CTNNA3: variants seen among roughly 807,000 people sequenced by gnomAD.
CTNNA3 encodes the protein catenin alpha-3.
A neutral mutation model predicts 95.7 loss-of-function variants in CTNNA3; 76 were observed. The observed-to-expected ratio is 0.79, with a 90% CI of 0.66 to 0.96. The LOEUF (loss-of-function observed/expected upper bound fraction) is 0.96, where lower values mean the gene tolerates loss of function less well. Ranked by LOEUF, CTNNA3 falls within the 40% of genes least tolerant of loss-of-function variation. CTNNA3 has a pLI of 0.00. For synonymous variants in CTNNA3, 431 were observed against 374.4 expected, an observed-to-expected ratio of 1.15 and a Z score of -1.74; for missense variants, 1,191 against 1,089.8, an observed-to-expected ratio of 1.09 and a Z score of -1.31.
chr10:67,169,426 A>G (rs935296086), intron 7 of CTNNA3, among the ~76,000 whole-genome samples: 1 of 152,186 alleles, frequency 6.6e-6, no homozygotes, highest in Non-Finnish European at 1.5e-5. Flanking sequence ...TGGTACAAAA[A>G]AAGACACGTA....
chr10:67,211,607 G>T (rs903480651), intron 6 of CTNNA3, among the ~76,000 whole-genome samples: 2 of 152,012 alleles, frequency 1.3e-5, no homozygotes, highest in Admixed American at 6.6e-5. Context: ...CTTGCTAGGC[G>T]GTGACAATAT....
chr10:66,110,576 T>C (rs1324897001), intron 13 of CTNNA3, among the ~76,000 whole-genome samples: 4 of 152,128 alleles, frequency 2.6e-5, no homozygotes, highest in African/African-American at 7.2e-5. Flanking sequence ...AATTCTATCA[T>C]TTGTTTGTCA....
At chr10:66,527,932 GT>G (rs916605383) in intron 10 of CTNNA3, among the ~76,000 whole-genome samples, 4 of 151,972 alleles carry the variant, frequency 2.6e-5, no homozygotes, top group Admixed American at 1.3e-4. Context: ...AAATATATAA[GT>G]TTTTTTATTC....
Position 67,046,219 on chromosome 10 carries a change from G to A in CTNNA3, c.1047+134098C>T, listed in dbSNP as rs576488990. 1.1e-4 allele frequency among the ~76,000 whole-genome samples: 16 copies of A among 152,254 alleles called. No individual in the cohort carries two copies. In the South Asian group the frequency reaches 1.5e-3, roughly 14 times the overall value. On this transcript the variant is annotated intron_variant, in intron 7 of 17. Coordinates refer to ENST00000433211, the MANE Select transcript of CTNNA3 (RefSeq NM_013266.4). ...AATGGGGTTTCAATTTAAAGACCCC[G>A]TGTCATCTTATTAGCCTATCATCTG...
intron 7 of CTNNA3, among the ~76,000 whole-genome samples, chr10:67,008,684 A>T (rs1852149391): frequency 2.6e-5 from 4 of 152,166 alleles, no homozygotes; most frequent in African/African-American, 7.2e-5. Context: ...TAGAAGCCCC[A>T]GCTAGGATAG....
chr10:66,927,708 G>T lies in CTNNA3; in HGVS notation c.1048-152184C>A. On this transcript the variant is annotated intron_variant, in intron 7 of 17. Transcript: ENST00000433211. The surrounding 1 kb of genome is among the most constrained non-coding windows in gnomAD (Gnocchi z 4.7). ...AAAGGCTTGATTTATCAGGCAATGA[G>T]ATCGAAGCTTTCAGTGGACCCAGTG... 1 of 1,614,214 alleles carries T rather than the reference G, an allele frequency of 6.2e-7. No individual in the cohort carries two copies. Among genetic ancestry groups the T allele is most frequent in the Non-Finnish European group, 8.5e-7 (1 of 1,180,050 alleles).
intron 11 of CTNNA3, among the ~76,000 whole-genome samples, chr10:66,515,615 G>A (rs1840821997): frequency 6.6e-6 from 1 of 152,048 alleles, no homozygotes; most frequent in Admixed American, 6.6e-5. Context: ...AAAGAAAAGA[G>A]GTTTAATTGA....
chr10:66,894,834 C>T (rs556836161), intron 7 of CTNNA3, among the ~76,000 whole-genome samples: 1 of 151,678 alleles, frequency 6.6e-6, no homozygotes, highest in East Asian at 1.9e-4. Context: ...TTAGCTGTGG[C>T]ACCAAATCAA....
intron 7 of CTNNA3, among the ~76,000 whole-genome samples, chr10:67,041,976 T>C (rs1008543050): frequency 4.6e-5 from 7 of 152,156 alleles, no homozygotes; most frequent in Non-Finnish European, 1.0e-4. Flanking sequence ...TGGGCATATA[T>C]AGTAGTTTGA....
At chr10:67,194,311 C>T (rs1488138374) in intron 6 of CTNNA3, among the ~76,000 whole-genome samples, 1 of 151,976 alleles carries the variant, frequency 6.6e-6, no homozygotes, top group Non-Finnish European at 1.5e-5. Context: ...TTGGACGCAA[C>T]CAAGAGGTCC....
At chr10:66,689,546 A>G (rs1035439406) in intron 9 of CTNNA3, among the ~76,000 whole-genome samples, 126 of 152,306 alleles carry the variant, frequency 8.3e-4, no homozygotes, top group African/African-American at 2.9e-3. Flanking sequence ...AAATTTAAAG[A>G]GGTGATATTA....
At chr10:66,905,167 T>A (rs1489158180) in intron 7 of CTNNA3, among the ~76,000 whole-genome samples, 7 of 152,194 alleles carry the variant, frequency 4.6e-5, no homozygotes, top group Non-Finnish European at 1.0e-4. Context: ...GTGGCACATA[T>A]ACACCATGGA....
chr10:66,922,199 T>C (rs577501212), intron 7 of CTNNA3, among the ~76,000 whole-genome samples: 3 of 152,352 alleles, frequency 2.0e-5, no homozygotes, highest in African/African-American at 7.2e-5. Flanking sequence ...TTGGGGATAT[T>C]TAACTCGTCA....
chr10:67,734,058 AG>A (rs1342021464), intron 1 of CTNNA3, among the ~76,000 whole-genome samples: 1 of 152,180 alleles, frequency 6.6e-6, no homozygotes, highest in African/African-American at 2.4e-5. Flanking sequence ...AAATTTTTAT[AG>A]GTAGAGTTTA....
At position 67,322,813 on chromosome 10, in the gene CTNNA3, T is replaced by C. The variant is rs138853347; in HGVS notation, c.580-102943A>G. ...GAAATCACCACACCATCTTCCACAATGGTCAAACTAATTTATCCCACAAAC... is the reference window on the plus strand; with the variant it reads ...GAAATCACCACACCATCTTCCACAACGGTCAAACTAATTTATCCCACAAAC... On this transcript the variant is annotated intron_variant, in intron 5 of 17. Coordinates refer to ENST00000433211, the MANE Select transcript of CTNNA3 (RefSeq NM_013266.4). Among the ~76,000 whole-genome samples the C allele has an allele frequency of 5.3e-3, 800 of 152,322 alleles. 9 individuals are homozygous for C. Among genetic ancestry groups the C allele is most frequent in the African/African-American group, 0.018 (764 of 41,580 alleles).
At chr10:66,594,470 A>G (rs1843647649) in intron 10 of CTNNA3, among the ~76,000 whole-genome samples, 1 of 152,126 alleles carries the variant, frequency 6.6e-6, no homozygotes, top group Admixed American at 6.5e-5. Flanking sequence ...GCATAGCCCT[A>G]CATGACCTGG....
rs181657669 is a variant in CTNNA3, at chr10:67,088,733, A to G, written c.1047+91584T>C. 5.3e-5 allele frequency among the ~76,000 whole-genome samples: 8 copies of G among 152,198 alleles called. No individual in the cohort carries two copies. In the East Asian group the frequency reaches 1.4e-3, roughly 26 times the overall value. Reference sequence around the variant, plus strand: ...AAGTTTTTGCACAAATACCACTAAAAGAATTATTATTATGTTCCTGCAAAA... The same window carrying G: ...AAGTTTTTGCACAAATACCACTAAAGGAATTATTATTATGTTCCTGCAAAA... On this transcript the variant is annotated intron_variant, in intron 7 of 17. Transcript: ENST00000433211.
At chr10:66,187,120 T>C (rs1030178725) in intron 13 of CTNNA3, among the ~76,000 whole-genome samples, 6 of 152,170 alleles carry the variant, frequency 3.9e-5, no homozygotes, top group African/African-American at 1.4e-4. Context: ...CTGTCATTAT[T>C]TGACTTGCTT....
chr10:66,974,769 C>T (rs781632766), intron 7 of CTNNA3, among the ~76,000 whole-genome samples: 4 of 151,132 alleles, frequency 2.6e-5, no homozygotes, highest in East Asian at 1.9e-4. Context: ...TGACTAATGA[C>T]ATTGCACATC....
Sources: gnomAD v4.1 joint callset for allele counts (sites outside exome capture counted in the v4.1 genomes callset) on GRCh38, gnomAD v4.1.1 for gene constraint, Gnocchi (gnomAD v3.1) non-coding constraint, MANE v1.5 for transcripts, NCBI Gene and HGNC (gene_info 2026-07-23, HGNC 2026-07-21) for gene names.